The following DENND2D variants were observed in gnomAD, a reference collection of about 807,000 sequenced individuals.
DENND2D encodes DENN domain-containing protein 2D.
DENND2D carries 37 observed loss-of-function variants against 59.8 expected under a neutral mutation model. That is an observed-to-expected ratio of 0.62 (90% CI 0.48 to 0.81). The LOEUF is 0.81. Ranked by LOEUF, DENND2D falls within the 40% of genes least tolerant of loss-of-function variation. The pLI, the probability that DENND2D is intolerant of heterozygous loss-of-function variation, is 0.00. For missense variants in DENND2D, 525 were observed against 579.7 expected (o/e 0.91, Z 0.97); for synonymous variants, 219 against 211.3 (o/e 1.04, Z -0.31).
upstream of DENND2D, among the ~76,000 whole-genome samples, chr1:111,202,734 T>C (rs1315184750): frequency 1.2e-5 from 1 of 80,834 alleles, no homozygotes; most frequent in Non-Finnish European, 2.6e-5. Context: ...CACTCCCTCC[T>C]AATACACAAC....
rs1287052695 is a variant in DENND2D at position 111,188,357 on chromosome 1, G to A, written c.1113C>T (p.Ile371=). 1 of 1,613,664 alleles carries A rather than the reference G, an allele frequency of 6.2e-7. No homozygotes were observed. Among genetic ancestry groups the A allele is most frequent in the South Asian group, 1.1e-5 (1 of 91,044 alleles). The part of the protein sequence containing the change: ...GINELKTAEQ[I]NEHVSGPFVQ... ...CAAAGGGGCCTGAAACATGCTCGTT[G>A]ATTTGTTCTGCAGCTGCAGGAGATA... Residue 371 remains isoleucine, a synonymous_variant, in exon 11 of 12, where the codon ATC becomes ATT. Transcript: ENST00000357640.
At chr1:111,188,908 G>T in intron 9 of DENND2D, 122 bp from the exon 10 acceptor site, 1 of 846,052 alleles carries the variant, frequency 1.2e-6, no homozygotes, top group Non-Finnish European at 2.0e-6. Flanking sequence ...TAGCCACATA[G>T]GACAGAAACA....
intron 11 of DENND2D, 33 bp downstream of exon 11, chr1:111,188,098 A>G (rs188398528): frequency 6.2e-7 from 1 of 1,611,988 alleles, no homozygotes; most frequent in Non-Finnish European, 8.5e-7. Context: ...GTAACCCTCT[A>G]TGGGCTTAGA....
In DENND2D at chr1:111,187,406, C is replaced by T; in HGVS notation, c.*199G>A. On this transcript the variant is annotated 3_prime_UTR_variant, in exon 12 of 12. Coordinates refer to ENST00000357640, the MANE Select transcript of DENND2D (RefSeq NM_024901.5). The stretch of plus-strand genomic sequence containing the variant: ...GAGCCCAGTTCTGTGAGCATGGTGT[C>T]AGAGCCCTCCAAAGTCCTGAGAAAT... 1.7e-6 allele frequency: 1 copy of T among 585,262 alleles called. No individual in the cohort carries two copies. Among genetic ancestry groups the T allele is most frequent in the African/African-American group, 1.9e-5 (1 of 53,574 alleles). The allele number at this position is 585,262 out of a possible 1,614,324, so 36.3% of individuals were successfully genotyped here. A position where few individuals can be genotyped will look rare whatever the true frequency, so the allele number is the denominator to read the frequency against.
intron 8 of DENND2D, 47 bp from the exon 9 acceptor site, chr1:111,189,300 A>AC (rs770853544): frequency 2.5e-6 from 4 of 1,606,458 alleles, no homozygotes; most frequent in South Asian, 2.2e-5. Context: ...TTCTTCATAG[A>AC]CCCCCAGAGG....
chr1:111,189,647 G>C lies in DENND2D; in HGVS notation c.973-394C>G, dbSNP rs114617182. Among the ~76,000 whole-genome samples, 29 of 152,312 alleles carry C rather than the reference G, an allele frequency of 1.9e-4. 1 individual carries two copies. Among genetic ancestry groups the C allele is most frequent in the Middle Eastern group, 6.8e-3 (2 of 294 alleles). On this transcript the variant is annotated intron_variant, in intron 8 of 11. Transcript: ENST00000357640. ...TCTCAAGCAACAGTCCCGTGAGGCA[G>C]ATACAATCTCCATTTTGAAGATGAG...
chr1:111,195,011 C>T, intron 6 of DENND2D: 1 of 407,814 alleles, frequency 2.5e-6, no homozygotes, highest in South Asian at 4.5e-5. Flanking sequence ...ATCTTTCCTG[C>T]CTGCAGCCTT....
chr1:111,194,362 C>G (rs1049837890), intron 7 of DENND2D, among the ~76,000 whole-genome samples: 6 of 152,218 alleles, frequency 3.9e-5, no homozygotes, highest in African/African-American at 1.4e-4. Flanking sequence ...AAGTCAGGAG[C>G]ATTCCTCAGG....
chr1:111,193,338 G>A (rs1185653449), intron 7 of DENND2D, among the ~76,000 whole-genome samples: 1 of 152,190 alleles, frequency 6.6e-6, no homozygotes, highest in Non-Finnish European at 1.5e-5. Flanking sequence ...TTTCCCTGAA[G>A]AAAGTAAACG....
rs1553240483 is a variant in DENND2D at position 111,186,126 on chromosome 1, T to C, written c.*1479A>G. Among the ~76,000 whole-genome samples, 1 of 152,226 alleles carries C rather than the reference T, an allele frequency of 6.6e-6. No homozygotes were observed. The highest frequency in any genetic ancestry group is 1.5e-5 in the Non-Finnish European group (1 of 68,034). On this transcript the variant is annotated 3_prime_UTR_variant, in exon 12 of 12. Transcript: ENST00000357640. The stretch of plus-strand genomic sequence containing the variant: ...ATTTGTAATAAACCTCAGCAAACCT[T>C]ACCTGAAGAACCTTTTAAGAAAGTA...
chr1:111,202,957 C>G (rs1343071944), upstream of DENND2D, among the ~76,000 whole-genome samples: 3 of 152,204 alleles, frequency 2.0e-5, no homozygotes, highest in Non-Finnish European at 4.4e-5. Context: ...AATGTCTCCT[C>G]TGGGCTGCAG....
intron 7 of DENND2D, among the ~76,000 whole-genome samples, chr1:111,193,312 G>A (rs140353235): frequency 1.3e-5 from 2 of 152,320 alleles, no homozygotes; most frequent in African/African-American, 2.4e-5. Context: ...TGGGAAGGAA[G>A]TGGGGAGTGG....
intron 9 of DENND2D, 21 bp downstream of exon 9, chr1:111,189,191 G>C: frequency 1.2e-6 from 2 of 1,613,944 alleles, no homozygotes; most frequent in Non-Finnish European, 1.7e-6. Context: ...GCCTGCAGGG[G>C]ATCTGAACCC....
At chr1:111,198,525 G>A (rs562996187) in intron 3 of DENND2D, 105 bp downstream of exon 3, 159 of 1,189,648 alleles carry the variant, frequency 1.3e-4, no homozygotes, top group East Asian at 6.2e-4. Context: ...CTCCCAGGCC[G>A]AAAATCAACA....
At chr1:111,204,337 C>G (rs1659106074), upstream of DENND2D, 1 of 1,479,950 alleles carries the variant, frequency 6.8e-7, no homozygotes. Flanking sequence ...TCGAAGGCGG[C>G]GGCCGAGCCC....
chr1:111,199,267 G>A (rs1016925635), intron 2 of DENND2D, among the ~76,000 whole-genome samples: 1 of 152,222 alleles, frequency 6.6e-6, no homozygotes, highest in African/African-American at 2.4e-5. Context: ...ACATCCCAGA[G>A]AGGGGATTCA....
At chr1:111,189,475 G>A in intron 8 of DENND2D, 2 of 572,732 alleles carry the variant, frequency 3.5e-6, no homozygotes, top group Non-Finnish European at 3.1e-6. Context: ...TTTGTAGGAA[G>A]GGAGTAGGAG....
intron 7 of DENND2D, among the ~76,000 whole-genome samples, chr1:111,193,798 C>T (rs115839769): frequency 2.6e-5 from 4 of 152,330 alleles, no homozygotes; most frequent in African/African-American, 4.8e-5. Context: ...CATCTCCCCA[C>T]GTCCTTCTCA....
At chr1:111,190,480 A>G (rs950573680) in intron 8 of DENND2D, among the ~76,000 whole-genome samples, 1 of 152,208 alleles carries the variant, frequency 6.6e-6, no homozygotes, top group Non-Finnish European at 1.5e-5. Context: ...TTGGTTTCCA[A>G]TATTTAAACT....
Sources: allele counts gnomAD v4.1 joint callset (sites outside exome capture counted in the v4.1 genomes callset), GRCh38; gene constraint gnomAD v4.1.1; transcripts MANE v1.5; gene names NCBI Gene and HGNC (gene_info 2026-07-23, HGNC 2026-07-21).